Variants in WWOX observed in about 807,000 individuals in gnomAD.
The protein encoded by WWOX is WW domain containing oxidoreductase, also known as WW domain-containing oxidoreductase.
A neutral mutation model predicts 46.2 loss-of-function variants in WWOX; 69 were observed. That is an observed-to-expected ratio of 1.49 (90% confidence interval 1.23 to 1.82). WWOX has a LOEUF of 1.82. Among genes scored for constraint, WWOX ranks in the 40% most tolerant of loss-of-function variants. The pLI, the probability that WWOX is intolerant of heterozygous loss-of-function variation, is 0.00. For missense variants in WWOX, 919 were observed against 542.6 expected, an observed-to-expected ratio of 1.69 and a Z score of -6.89; for synonymous variants, 359 against 202.6, an observed-to-expected ratio of 1.77 and a Z score of -6.56.
chr16:78,821,289 C>T (rs559169389), intron 8 of WWOX, among the ~76,000 whole-genome samples: 10 of 152,210 alleles, frequency 6.6e-5, no homozygotes, highest in African/African-American at 2.2e-4. Flanking sequence ...CACAGGCTTG[C>T]CCCAGGTTAC....
At chr16:78,620,493 G>A (rs2046152105) in intron 8 of WWOX, among the ~76,000 whole-genome samples, 1 of 152,144 alleles carries the variant, frequency 6.6e-6, no homozygotes, top group Non-Finnish European at 1.5e-5. Context: ...CATTGGCAGA[G>A]CTGCCTTGGT....
chr16:78,266,372 T>A (rs976005919), intron 5 of WWOX, among the ~76,000 whole-genome samples: 3 of 152,236 alleles, frequency 2.0e-5, no homozygotes, highest in Admixed American at 2.0e-4. Flanking sequence ...TGGCTACTTT[T>A]GCACTATGCC....
chr16:78,483,426 T>C (rs2084546776), intron 8 of WWOX, among the ~76,000 whole-genome samples: 1 of 150,488 alleles, frequency 6.6e-6, no homozygotes, highest in South Asian at 2.1e-4. Flanking sequence ...CGTAGAATTT[T>C]TTTTTTTTTT....
intron 8 of WWOX, among the ~76,000 whole-genome samples, chr16:79,122,209 C>T (rs567305603): frequency 6.6e-6 from 1 of 152,082 alleles, no homozygotes; most frequent in African/African-American, 2.4e-5. Context: ...CGCCTCTGGG[C>T]ACAATTAAAA....
At chr16:78,928,170 G>C (rs118104124) in intron 8 of WWOX, among the ~76,000 whole-genome samples, 3,521 of 150,778 alleles carry the variant, frequency 0.023, 47 homozygotes, top group African/African-American at 0.035. Flanking sequence ...TAATAATAAA[G>C]TGTTTGGAAC....
At chr16:78,379,698 G>C (rs1389809922) in intron 5 of WWOX, among the ~76,000 whole-genome samples, 1 of 152,188 alleles carries the variant, frequency 6.6e-6, no homozygotes. Context: ...ACTATGGCGA[G>C]AAATGGGATA....
At chr16:78,702,752 G>A (rs1287919036) in intron 8 of WWOX, among the ~76,000 whole-genome samples, 1 of 152,116 alleles carries the variant, frequency 6.6e-6, no homozygotes. Flanking sequence ...AAAGATCGCA[G>A]AGGAAGCAGA....
intron 8 of WWOX, among the ~76,000 whole-genome samples, chr16:78,610,880 C>T (rs528292607): frequency 4.6e-5 from 7 of 151,982 alleles, no homozygotes; most frequent in East Asian, 3.9e-4. Flanking sequence ...CGTATTCTTG[C>T]AATTAATGAC....
At chr16:78,120,829 A>T (rs912312521) in intron 4 of WWOX, among the ~76,000 whole-genome samples, 1 of 152,202 alleles carries the variant, frequency 6.6e-6, no homozygotes, top group African/African-American at 2.4e-5. Context: ...CTTTTTCTTC[A>T]TGTAGAGAAG....
At chr16:78,611,385 T>G (rs2045896679) in intron 8 of WWOX, among the ~76,000 whole-genome samples, 1 of 152,178 alleles carries the variant, frequency 6.6e-6, no homozygotes, top group Non-Finnish European at 1.5e-5. Flanking sequence ...CCAAGGAGAT[T>G]ACTTGGTTTG....
chr16:78,367,922 A>C (rs2151918524), intron 5 of WWOX, among the ~76,000 whole-genome samples: 1 of 151,922 alleles, frequency 6.6e-6, no homozygotes, highest in African/African-American at 2.4e-5. Flanking sequence ...ACACCCCGCT[A>C]ATTTTTGTAT....
intron 8 of WWOX, among the ~76,000 whole-genome samples, chr16:79,115,891 C>A (rs903931775): frequency 1.3e-5 from 2 of 152,120 alleles, no homozygotes; most frequent in Non-Finnish European, 2.9e-5. Context: ...ATGAATTTTT[C>A]TCTATTTAAA....
intron 8 of WWOX, among the ~76,000 whole-genome samples, chr16:78,864,387 C>A (rs189366202): frequency 6.6e-6 from 1 of 152,126 alleles, no homozygotes; most frequent in African/African-American, 2.4e-5. Context: ...CCCACCTCAG[C>A]CTCCTGAGTA....
At chr16:78,562,105 A>T (rs1022363833) in intron 8 of WWOX, among the ~76,000 whole-genome samples, 1 of 152,170 alleles carries the variant, frequency 6.6e-6, no homozygotes, top group Non-Finnish European at 1.5e-5. Context: ...CTTTTCTCAG[A>T]TAGAGTTATC....
rs569025138 is a variant in WWOX at position 78,352,151 on chromosome 16, T to A, written c.517-34709T>A. Among the ~76,000 whole-genome samples, 8 of 152,348 alleles carry A rather than the reference T, an allele frequency of 5.3e-5. 1 individual carries two copies. Among genetic ancestry groups the A allele is most frequent in the African/African-American group, 1.9e-4 (8 of 41,576 alleles). ...ATGCGATTGTGAAAATGTGAGCATA[T>A]GCAGGCCAGACCTTGGCTTCTCTGT... is the stretch of plus-strand genomic sequence containing the variant. On this transcript the variant is annotated intron_variant, in intron 5 of 8. Transcript: ENST00000566780.
chr16:78,435,109 A>T (rs2083304568), intron 8 of WWOX, among the ~76,000 whole-genome samples: 1 of 152,130 alleles, frequency 6.6e-6, no homozygotes, highest in African/African-American at 2.4e-5. Context: ...TCGGAGTGTT[A>T]GCTGTTTTGG....
intron 8 of WWOX, among the ~76,000 whole-genome samples, chr16:78,941,009 A>G (rs1174700343): frequency 6.6e-6 from 1 of 151,732 alleles, no homozygotes; most frequent in African/African-American, 2.4e-5. Context: ...TGGGATGTAT[A>G]TATCACTTTT....
chr16:78,572,754 A>C (rs577881581), intron 8 of WWOX, among the ~76,000 whole-genome samples: 11 of 152,124 alleles, frequency 7.2e-5, no homozygotes, highest in Middle Eastern at 3.2e-3. Flanking sequence ...AATGCAAAAT[A>C]TGAGCTAGTG....
chr16:78,367,316 T>C (rs956357018), intron 5 of WWOX, among the ~76,000 whole-genome samples: 6 of 152,162 alleles, frequency 3.9e-5, no homozygotes, highest in Admixed American at 1.3e-4. Context: ...TCAAATTTGT[T>C]CAACCTGCAG....
Sources: allele counts gnomAD v4.1 joint callset (sites outside exome capture counted in the v4.1 genomes callset), GRCh38; gene constraint gnomAD v4.1.1; transcripts MANE v1.5; gene names NCBI Gene and HGNC (gene_info 2026-07-23, HGNC 2026-07-21).